HP1BP3: variants seen among roughly 807,000 people sequenced by gnomAD.
The protein encoded by HP1BP3 is heterochromatin protein 1 binding protein 3.
Under a neutral mutation model 62.5 loss-of-function variants are expected in HP1BP3, and 12 were observed. That is an observed-to-expected ratio of 0.19 (90% CI 0.12 to 0.31). The LOEUF (loss-of-function observed/expected upper bound fraction) is 0.31, where lower values mean the gene tolerates loss of function less well. Among genes scored for constraint, HP1BP3 ranks in the 10% least tolerant of loss-of-function variants. The pLI, the probability that HP1BP3 is intolerant of heterozygous loss-of-function variation, is 1.00. For synonymous variants in HP1BP3, 260 were observed against 237.8 expected, an observed-to-expected ratio of 1.09 and a Z score of -0.86; for missense variants, 502 against 651.8, an observed-to-expected ratio of 0.77 and a Z score of 2.50.
In HP1BP3 at chr1:20,741,521, C is replaced by T. The variant is rs1391351714; in HGVS notation, c.*3276G>A. On this transcript the variant is annotated 3_prime_UTR_variant, in exon 13 of 13. Coordinates refer to ENST00000438032, the MANE Select transcript of HP1BP3 (RefSeq NM_001372052.1). ...ACATGATTAAAACATACACCTGTTTCCTAAGATTTATACAGGACCAGGTTT... is the reference window on the plus strand; with the variant it reads ...ACATGATTAAAACATACACCTGTTTTCTAAGATTTATACAGGACCAGGTTT... Among the ~76,000 whole-genome samples the T allele has an allele frequency of 6.6e-6, 1 of 152,328 alleles. No individual in the cohort carries two copies. Among genetic ancestry groups the T allele is most frequent in the East Asian group, 1.9e-4 (1 of 5,192 alleles).
chr1:20,777,776 T>C (rs1452851996), intron 3 of HP1BP3, among the ~76,000 whole-genome samples: 4 of 152,212 alleles, frequency 2.6e-5, no homozygotes, highest in Admixed American at 1.3e-4. Flanking sequence ...AATTTTAAAA[T>C]GCCACTTCTT....
In HP1BP3 at chr1:20,761,805, G is replaced by A. The variant is rs146706401; in HGVS notation, c.890+3572C>T. Among the ~76,000 whole-genome samples, 9 of 152,276 alleles carry A rather than the reference G, an allele frequency of 5.9e-5. No individual in the cohort carries two copies. The East Asian group carries it at 7.7e-4, about 13-fold the overall frequency. On this transcript the variant is annotated intron_variant, in intron 8 of 12. Transcript: ENST00000438032. ...AGAAATCCTTAGGAGATTGAGAAACGAAGGGTAAAAAGGTTACAGAAAAAT... is the reference window on the plus strand; with the variant it reads ...AGAAATCCTTAGGAGATTGAGAAACAAAGGGTAAAAAGGTTACAGAAAAAT...
intron 3 of HP1BP3, among the ~76,000 whole-genome samples, chr1:20,777,049 A>T (rs938664820): frequency 6.6e-6 from 1 of 152,216 alleles, no homozygotes; most frequent in Non-Finnish European, 1.5e-5. Context: ...CATGAGACTC[A>T]TAATTAAGAA....
chr1:20,745,442 G>A, intron 12 of HP1BP3, 101 bp downstream of exon 12: 2 of 1,370,876 alleles, frequency 1.5e-6, no homozygotes, highest in Non-Finnish European at 1.9e-6. Context: ...AGGATCCTGA[G>A]TTTCTGAAAT....
Position 20,745,056 on chromosome 1 carries a change from T to C in HP1BP3, c.1403A>G (p.Lys468Arg), listed in dbSNP as rs145052915. 161 of 1,612,120 alleles carry C rather than the reference T, an allele frequency of 1.0e-4. No individual in the cohort carries two copies. The highest frequency in any genetic ancestry group is 1.3e-4 in the Non-Finnish European group (151 of 1,179,476). Residue 468 changes from lysine (K) to arginine (R), a missense_variant, in exon 13 of 13, where the codon AAG (lysine) becomes AGG (arginine). By Grantham distance (26) the Lys-to-Arg change is conservative. This residue lies in a region of HP1BP3 where 194 missense variants were observed against 207.0 expected (regional missense o/e 0.94). Coordinates refer to ENST00000438032, the MANE Select transcript of HP1BP3 (RefSeq NM_001372052.1). ...CCCTCTCTGCTTCACAGATGCGGCC[T>C]TCCCTGGGGACTTGGCTGGGGTTTT... ...QKKTPAKSPG[K>R]AASVKQRGSK... is the part of the protein sequence containing the mutation.
chr1:20,748,762 TA>T (rs777290375), intron 10 of HP1BP3, among the ~76,000 whole-genome samples: 764 of 141,490 alleles, frequency 5.4e-3, no homozygotes, highest in Admixed American at 5.6e-3. Context: ...AGACTCCGTC[TA>T]AAAAAAAAAA....
At position 20,742,547 on chromosome 1, in the gene HP1BP3, G is replaced by A. The variant is rs1276513798; in HGVS notation, c.*2250C>T. 2.0e-5 allele frequency: 3 copies of A among 152,446 alleles called. No individual in the cohort carries two copies. The highest frequency in any genetic ancestry group is 2.1e-4 in the South Asian group (1 of 4,822). 9.4% of individuals were successfully genotyped at this position (152,446 alleles called of 1,614,324 possible). ...TAAGAATTCCAAAACACATGAACTG[G>A]AGCTTGTATTTAAAAAGGAAAATGA... On this transcript the variant is annotated 3_prime_UTR_variant, in exon 13 of 13. Coordinates refer to ENST00000438032, the MANE Select transcript of HP1BP3 (RefSeq NM_001372052.1).
At chr1:20,755,933 TG>T (rs1471767762) in intron 9 of HP1BP3, among the ~76,000 whole-genome samples, 1 of 152,144 alleles carries the variant, frequency 6.6e-6, no homozygotes, top group Non-Finnish European at 1.5e-5. Flanking sequence ...ATATGAAATG[TG>T]AACAAAATGC....
chr1:20,783,769 CAAAAAA>C (rs1164930528), intron 1 of HP1BP3, among the ~76,000 whole-genome samples: 18 of 53,138 alleles, frequency 3.4e-4, no homozygotes, highest in South Asian at 1.7e-3. Flanking sequence ...GACTCTGTCT[CAAAAAA>C]AAAAAAAAAA....
chr1:20,749,230 TCA>T (rs912981379), intron 10 of HP1BP3, among the ~76,000 whole-genome samples: 7 of 152,070 alleles, frequency 4.6e-5, no homozygotes, highest in Non-Finnish European at 1.0e-4. Context: ...AATTAAGAAT[TCA>T]GTTTTGATTA....
At chr1:20,753,255 TA>T (rs1375992907) in intron 9 of HP1BP3, among the ~76,000 whole-genome samples, 1 of 152,218 alleles carries the variant, frequency 6.6e-6, no homozygotes, top group Non-Finnish European at 1.5e-5. Context: ...AATACTTTTT[TA>T]CTTAAAGAAA....
rs942968217 is a variant in HP1BP3, at chr1:20,741,424, A to T, written c.*3373T>A. On this transcript the variant is annotated 3_prime_UTR_variant, in exon 13 of 13. Coordinates refer to ENST00000438032, the MANE Select transcript of HP1BP3 (RefSeq NM_001372052.1). ...GGAAAAACAGCAATGATGAAAAAAC[A>T]AATGTCAAAAGGTGTTAGCAGATTG... Among the ~76,000 whole-genome samples the T allele has an allele frequency of 2.0e-5, 3 of 152,242 alleles. No individual in the cohort carries two copies. The highest frequency in any genetic ancestry group is 2.9e-5 in the Non-Finnish European group (2 of 68,038).
intron 8 of HP1BP3, among the ~76,000 whole-genome samples, chr1:20,764,967 G>A (rs1160645512): frequency 6.6e-6 from 1 of 151,540 alleles, no homozygotes; most frequent in African/African-American, 2.4e-5. Context: ...TCAAGAGTTC[G>A]AGACCAGCCT....
intron 3 of HP1BP3, among the ~76,000 whole-genome samples, chr1:20,779,609 CTT>C (rs535748445): frequency 1.8e-3 from 278 of 151,698 alleles, no homozygotes; most frequent in Non-Finnish European, 3.0e-3. Flanking sequence ...TTCCAAAAAC[CTT>C]TATAGAGAAG....
At chr1:20,760,169 G>T (rs2056383241) in intron 8 of HP1BP3, among the ~76,000 whole-genome samples, 2 of 152,070 alleles carry the variant, frequency 1.3e-5, no homozygotes, top group Admixed American at 1.3e-4. Flanking sequence ...TTACAGACGT[G>T]AGCCACCACA....
At position 20,742,362 on chromosome 1, in the gene HP1BP3, TC is replaced by T. The variant is rs569008567; in HGVS notation, c.*2434del. The stretch of plus-strand genomic sequence containing the variant: ...TATCTTTTGCAGTACTGTAATTTTT[TC>T]TAGTCCAAGGACTTATCTGAATATT... On this transcript the variant is annotated 3_prime_UTR_variant, in exon 13 of 13. Coordinates refer to ENST00000438032, the MANE Select transcript of HP1BP3 (RefSeq NM_001372052.1). Among the ~76,000 whole-genome samples the T allele has an allele frequency of 7.2e-5, 11 of 152,226 alleles. No individual in the cohort carries two copies. The highest frequency in any genetic ancestry group is 8.8e-5 in the Non-Finnish European group (6 of 68,032).
Position 20,742,582 on chromosome 1 carries a change from T to C in HP1BP3, c.*2215A>G, listed in dbSNP as rs970947238. 6.6e-6 allele frequency: 1 copy of C among 152,626 alleles called. No homozygotes were observed. Among genetic ancestry groups the C allele is most frequent in the African/African-American group, 2.4e-5 (1 of 41,438 alleles). The allele number at this position is 152,626 out of a possible 1,614,324, so 9.5% of individuals were successfully genotyped here. ...TTAAAAAGGAAAATGATGGTGTTCATTTCAAGGAGTAGAAAAGACTTAAAG... is the reference window on the plus strand; with the variant it reads ...TTAAAAAGGAAAATGATGGTGTTCACTTCAAGGAGTAGAAAAGACTTAAAG... On this transcript the variant is annotated 3_prime_UTR_variant, in exon 13 of 13. Transcript: ENST00000438032.
rs1250558756 is a variant in HP1BP3, at chr1:20,749,826, G to A, written c.1038C>T (p.Ile346=). ...LLGGSLMEYA[I]LSAIAAMNEP... ...CATTCATGGCAGCAATGGCAGACAA[G>A]ATTGCATATTCCATCAGGCTTCCAC... The change falls in exon 10 of 13, where the codon ATC becomes ATT. Residue 346 remains isoleucine (I), a synonymous_variant. Coordinates refer to ENST00000438032, the MANE Select transcript of HP1BP3 (RefSeq NM_001372052.1). 2 of 1,614,146 alleles carry A rather than the reference G, an allele frequency of 1.2e-6. No individual in the cohort carries two copies. The highest frequency in any genetic ancestry group is 1.7e-6 in the Non-Finnish European group (2 of 1,180,012).
rs1002136500 is a variant in HP1BP3 at position 20,741,611 on chromosome 1, T to C, written c.*3186A>G. Among the ~76,000 whole-genome samples the C allele has an allele frequency of 6.6e-6, 1 of 152,226 alleles. No homozygotes were observed. The highest frequency in any genetic ancestry group is 2.4e-5 in the African/African-American group (1 of 41,448). ...TGTGCAATGAATGCTTCTGTCATAG[T>C]GCTAAGGAAAGGTCTCCACATTTCT... On this transcript the variant is annotated 3_prime_UTR_variant, in exon 13 of 13. Transcript: ENST00000438032.
Sources: allele counts gnomAD v4.1 joint callset (sites outside exome capture counted in the v4.1 genomes callset), GRCh38; gene constraint gnomAD v4.1.1; regional missense constraint gnomAD v4.1.1; transcripts MANE v1.5; gene names NCBI Gene and HGNC (gene_info 2026-07-23, HGNC 2026-07-21).